PHC2: variants seen among roughly 807,000 people sequenced by gnomAD.
PHC2 encodes polyhomeotic-like protein 2.
In PHC2, 29 loss-of-function variants were observed where a neutral mutation model predicts 87.4. That is an observed-to-expected ratio of 0.33 (90% CI 0.25 to 0.45). The LOEUF (loss-of-function observed/expected upper bound fraction) is 0.45. PHC2 is among the 20% of genes least tolerant of loss of function. The pLI is 1.00. For synonymous variants in PHC2, 438 were observed against 461.7 expected (o/e 0.95, Z 0.66); for missense variants, 857 against 1,136.7 (o/e 0.75, Z 3.54).
intron 9 of PHC2, among the ~76,000 whole-genome samples, chr1:33,338,758 C>T (rs146927527): frequency 1.4e-4 from 22 of 152,274 alleles, no homozygotes; most frequent in African/African-American, 4.1e-4. Flanking sequence ...TAAGTGCTGC[C>T]GGGCATTCCC....
At chr1:33,329,925 G>T in intron 13 of PHC2, 146 bp downstream of exon 13, 1 of 841,554 alleles carries the variant, frequency 1.2e-6, no homozygotes, top group Non-Finnish European at 1.9e-6. Context: ...GGGTGCAGAA[G>T]GCTCGACTGG....
chr1:33,354,693 G>C (rs892701521), intron 8 of PHC2, 127 bp from the exon 9 acceptor site: 1 of 1,302,116 alleles, frequency 7.7e-7, no homozygotes, highest in Non-Finnish European at 1.1e-6. Flanking sequence ...CCTCAAATTG[G>C]GGAAGGCCCT....
rs575220032 is a variant in PHC2, at chr1:33,407,572, G to C, written c.-55+23404C>G. On this transcript the variant is annotated intron_variant, in intron 1 of 14. Transcript: ENST00000683057. ...CTCTTACTTTGAAGGTGGAGCACTT[G>C]AGATTCCTGGATTAAACAGGGAGGT... 8.1e-4 allele frequency among the ~76,000 whole-genome samples: 124 copies of C among 152,222 alleles called. 1 individual carries two copies. Among genetic ancestry groups the C allele is most frequent in the South Asian group, 1.9e-3 (9 of 4,818 alleles).
rs192968339 is a variant in PHC2, at chr1:33,336,161, G to A, written c.1559-1869C>T. Among the ~76,000 whole-genome samples, 87 of 151,948 alleles carry A rather than the reference G, an allele frequency of 5.7e-4. 1 individual carries two copies. In the East Asian group the frequency reaches 0.016, roughly 28 times the overall value. On this transcript the variant is annotated intron_variant, in intron 9 of 14. Coordinates refer to ENST00000683057, the MANE Select transcript of PHC2 (RefSeq NM_001385109.1). ...GTACCACCATACCCGGCTAATTTTTGTATTTTTAGTAGGGACTGGGTTTCA... is the reference window on the plus strand; with the variant it reads ...GTACCACCATACCCGGCTAATTTTTATATTTTTAGTAGGGACTGGGTTTCA...
chr1:33,353,530 C>T (rs1182131252), intron 9 of PHC2: 2 of 152,274 alleles, frequency 1.3e-5, no homozygotes, highest in East Asian at 3.8e-4. Flanking sequence ...CTTGATCCTG[C>T]TTCTGTTCCC....
At chr1:33,387,629 C>T (rs1323862653) in intron 1 of PHC2, among the ~76,000 whole-genome samples, 1 of 152,236 alleles carries the variant, frequency 6.6e-6, no homozygotes, top group Admixed American at 6.5e-5. Context: ...CCTCATTTTT[C>T]TCACAAGACA....
chr1:33,429,244 G>C (rs1461966247), intron 1 of PHC2, among the ~76,000 whole-genome samples: 1 of 152,032 alleles, frequency 6.6e-6, no homozygotes, highest in Non-Finnish European at 1.5e-5. Context: ...ATGAGGCTCA[G>C]AAAAACTGAT....
chr1:33,426,650 T>C (rs1650683996), intron 1 of PHC2, among the ~76,000 whole-genome samples: 1 of 152,208 alleles, frequency 6.6e-6, no homozygotes, highest in South Asian at 2.1e-4. Flanking sequence ...CTCTTCATAT[T>C]GACTGGGCAT....
At chr1:33,402,174 T>C (rs922479180) in intron 1 of PHC2, among the ~76,000 whole-genome samples, 7 of 152,106 alleles carry the variant, frequency 4.6e-5, no homozygotes, top group East Asian at 1.9e-4. Context: ...ACATGGCCAA[T>C]AGACATTTAA....
chr1:33,326,191 C>CAA (rs1194548040), intron 14 of PHC2: 4 of 206,750 alleles, frequency 1.9e-5, no homozygotes, highest in African/African-American at 9.3e-5. Context: ...TAAAAACAAA[C>CAA]AAACAAAACT....
In PHC2 at chr1:33,382,656, G is replaced by A. The variant is rs1648547325; in HGVS notation, c.-54-7063C>T. On this transcript the variant is annotated intron_variant, in intron 1 of 14. Coordinates refer to ENST00000683057, the MANE Select transcript of PHC2 (RefSeq NM_001385109.1). The surrounding 1 kb of genome is among the most constrained non-coding windows in gnomAD (Gnocchi z 4.3). ...TCACTTCTCCCCTCCTAACTGCAAT[G>A]GGCCACTTTGAATGATGTGCTGAAT... Among the ~76,000 whole-genome samples the A allele has an allele frequency of 1.3e-5, 2 of 152,136 alleles. No individual in the cohort carries two copies. The highest frequency in any genetic ancestry group is 4.8e-5 in the African/African-American group (2 of 41,426).
rs142486824 is a variant in PHC2 at position 33,347,448 on chromosome 1, T to C, written c.1558+6953A>G. ...ATATATGGAGTGAGCTTGACAAAGG[T>C]AAATTAAAAATTAACCCAGGACCTG... On this transcript the variant is annotated intron_variant, in intron 9 of 14. Coordinates refer to ENST00000683057, the MANE Select transcript of PHC2 (RefSeq NM_001385109.1). 765 of 985,172 alleles carry C rather than the reference T, an allele frequency of 7.8e-4. 3 individuals carry two copies. The highest frequency in any genetic ancestry group is 6.8e-4 in the Admixed American group (11 of 16,266). The allele number at this position is 985,172 out of a possible 1,614,324, so 61.0% of individuals were successfully genotyped here. A position where few individuals can be genotyped will look rare whatever the true frequency, so the allele number is the denominator to read the frequency against.
rs887513509 is a variant in PHC2, at chr1:33,334,298, C to CGA, written c.1559-8_1559-7dup. ...AACAATGCCCTGCCCTGTCTCTGCACGAGAGAGAGTAGGAAAACAAAGCAG... is the reference window on the plus strand; with the variant it reads ...AACAATGCCCTGCCCTGTCTCTGCACGAGAGAGAGAGTAGGAAAACAAAGCAG... On this transcript the variant is annotated splice_polypyrimidine_tract_variant and splice_region_variant and intron_variant, in intron 9 of 14. Transcript: ENST00000683057. This position sits in a 1 kb window ranked among gnomAD's most constrained non-coding sequence, Gnocchi z 5.5. 3.7e-6 allele frequency: 6 copies of CGA among 1,611,332 alleles called. No individual in the cohort carries two copies. The Admixed American group carries it at 5.0e-5, about 14-fold the overall frequency.
chr1:33,349,671 T>A lies in PHC2; in HGVS notation c.1558+4730A>T. ...CGGCCGGGCGCCGACTCGCGCGGGG[T>A]CCCGGGCCCGGGCGGGCCGCCTCCT... On this transcript the variant is annotated intron_variant, in intron 9 of 14. Coordinates refer to ENST00000683057, the MANE Select transcript of PHC2 (RefSeq NM_001385109.1). The surrounding 1 kb of genome is among the most constrained non-coding windows in gnomAD (Gnocchi z 4.2). The A allele has an allele frequency of 1.0e-6, 1 of 981,766 alleles. No individual in the cohort carries two copies. Among genetic ancestry groups the A allele is most frequent in the African/African-American group, 1.8e-5 (1 of 56,012 alleles). The allele number at this position is 981,766 out of a possible 1,614,324, so 60.8% of individuals were successfully genotyped here.
chr1:33,402,400 T>C (rs1001780254), intron 1 of PHC2, among the ~76,000 whole-genome samples: 1 of 152,208 alleles, frequency 6.6e-6, no homozygotes, highest in Non-Finnish European at 1.5e-5. Context: ...GAGTTGAACA[T>C]ACCCATATGA....
At chr1:33,399,243 T>A (rs1255739171) in intron 1 of PHC2, among the ~76,000 whole-genome samples, 1 of 152,052 alleles carries the variant, frequency 6.6e-6, no homozygotes, top group Non-Finnish European at 1.5e-5. Context: ...CTACAAGGAA[T>A]AAAGAGGATG....
intron 1 of PHC2, among the ~76,000 whole-genome samples, chr1:33,406,555 A>G (rs1269901257): frequency 6.6e-6 from 1 of 152,176 alleles, no homozygotes; most frequent in East Asian, 1.9e-4. Context: ...ACTTACTGAC[A>G]TATTTTAGGT....
chr1:33,334,099 C>T lies in PHC2; in HGVS notation c.1752G>A (p.Glu584=). The T allele has an allele frequency of 6.2e-7, 1 of 1,608,888 alleles. No individual in the cohort carries two copies. The highest frequency in any genetic ancestry group is 2.2e-5 in the East Asian group (1 of 44,802). The change falls in exon 10 of 15, where the codon GAG becomes GAA. Residue 584 remains glutamate (E), a synonymous_variant. Coordinates refer to ENST00000683057, the MANE Select transcript of PHC2 (RefSeq NM_001385109.1). This position sits in a 1 kb window ranked among gnomAD's most constrained non-coding sequence, Gnocchi z 5.5. ...AAGAAGTAGTCCGTACCGGGAAAGG[C>T]TCCGCCCCCTCCTGGATCACAAACC... The part of the protein sequence containing the change: ...IEGFVIQEGA[E]PFPVGRSSLL...
intron 1 of PHC2, among the ~76,000 whole-genome samples, chr1:33,408,770 T>C (rs1649868870): frequency 6.6e-6 from 1 of 152,146 alleles, no homozygotes; most frequent in Non-Finnish European, 1.5e-5. Flanking sequence ...TGGCCTGTTT[T>C]TAGTAGGTTT....
Sources: allele counts gnomAD v4.1 joint callset (sites outside exome capture counted in the v4.1 genomes callset), GRCh38; gene constraint gnomAD v4.1.1; non-coding constraint Gnocchi (gnomAD v3.1); transcripts MANE v1.5; gene names NCBI Gene and HGNC (gene_info 2026-07-23, HGNC 2026-07-21).